The following CFLAR variants were observed in gnomAD, a reference collection of about 807,000 sequenced individuals.
The protein encoded by CFLAR is CASP8 and FADD-like apoptosis regulator.
CFLAR carries 14 observed loss-of-function variants against 51.1 expected under a neutral mutation model. That is an observed-to-expected ratio of 0.27 (90% CI 0.18 to 0.43). The LOEUF (loss-of-function observed/expected upper bound fraction) is 0.43. CFLAR is among the 20% of genes least tolerant of loss of function. The probability of loss-of-function intolerance (pLI) is 1.00; values close to 1 mark genes in which losing one functional copy is unlikely to be tolerated. For missense variants in CFLAR, 390 were observed against 566.5 expected (o/e 0.69, Z 3.16); for synonymous variants, 210 against 211.6 (o/e 0.99, Z 0.06).
At chr2:201,155,087 G>C (rs1479900523) in intron 8 of CFLAR, among the ~76,000 whole-genome samples, 2 of 152,194 alleles carry the variant, frequency 1.3e-5, no homozygotes, top group African/African-American at 4.8e-5. Flanking sequence ...AGCAAAGCTG[G>C]ACCTGTGCTA....
chr2:201,170,252 T>C lies in CFLAR; in HGVS notation c.*6279T>C, dbSNP rs1048070527. ...AAGAAAATGTGGTACATATACACCA[T>C]GGAATACTGTGCAGTGCAGCCATTA... On this transcript the variant is annotated 3_prime_UTR_variant, in exon 10 of 10. Transcript: ENST00000309955. The C allele has an allele frequency of 1.3e-5, 2 of 152,234 alleles. No homozygotes were observed. Among genetic ancestry groups the C allele is most frequent in the Admixed American group, 1.3e-4 (2 of 15,278 alleles). The allele number at this position is 152,234 out of a possible 1,614,324, so 9.4% of individuals were successfully genotyped here.
At chr2:201,163,258 T>A (rs925853995) in intron 9 of CFLAR, 13 of 1,286,420 alleles carry the variant, frequency 1.0e-5, no homozygotes, top group Non-Finnish European at 1.3e-5. Flanking sequence ...GCAAGAATAC[T>A]TTTCTAAGAG....
intron 4 of CFLAR, chr2:201,136,519 C>T: frequency 6.5e-7 from 1 of 1,538,262 alleles, no homozygotes; most frequent in Non-Finnish European, 8.7e-7. Context: ...TGCATGTGTC[C>T]CAAGTTTCAC....
chr2:201,131,946 G>A (rs958646273), intron 2 of CFLAR, among the ~76,000 whole-genome samples: 1 of 148,050 alleles, frequency 6.8e-6, no homozygotes, highest in Non-Finnish European at 1.5e-5. Context: ...AATTTACTAT[G>A]TGAAGTACTT....
At chr2:201,148,779 AG>A in intron 6 of CFLAR, 1 of 458,440 alleles carries the variant, frequency 2.2e-6, no homozygotes, top group East Asian at 3.7e-5. Context: ...CTGTTTAAGC[AG>A]CTTTTCCAGA....
rs1338320448 is a variant in CFLAR, at chr2:201,169,778, CA to C, written c.*5810del. 7.2e-5 allele frequency: 11 copies of C among 152,036 alleles called. No homozygotes were observed. Among genetic ancestry groups the C allele is most frequent in the Non-Finnish European group, 1.3e-4 (9 of 67,994 alleles). 9.4% of individuals were successfully genotyped at this position (152,036 alleles called of 1,614,324 possible). On this transcript the variant is annotated 3_prime_UTR_variant, in exon 10 of 10. Coordinates refer to ENST00000309955, the MANE Select transcript of CFLAR (RefSeq NM_003879.7). ...TTTACAAGGAAAAAAACAACCCCATCAAAAAGTGGACAAAGGACATGAACAG... is the reference window on the plus strand; with the variant it reads ...TTTACAAGGAAAAAAACAACCCCATCAAAAGTGGACAAAGGACATGAACAG...
chr2:201,158,847 C>CTTATTATTA (rs756458551), intron 8 of CFLAR, among the ~76,000 whole-genome samples: 1 of 144,966 alleles, frequency 6.9e-6, no homozygotes, highest in Non-Finnish European at 1.5e-5. Flanking sequence ...GGCATTTGCC[C>CTTATTATTA]TCATCATTAT....
chr2:201,126,072 C>T (rs1021582701), intron 1 of CFLAR, among the ~76,000 whole-genome samples: 1 of 152,034 alleles, frequency 6.6e-6, no homozygotes, highest in Non-Finnish European at 1.5e-5. Context: ...AAACGCCACA[C>T]TTTGAGATGA....
intron 1 of CFLAR, among the ~76,000 whole-genome samples, chr2:201,127,854 C>T (rs1217321958): frequency 1.3e-5 from 2 of 152,090 alleles, no homozygotes; most frequent in African/African-American, 2.4e-5. Context: ...GCTGAGTGTG[C>T]GTGACTGGCA....
At chr2:201,163,377 T>A in intron 9 of CFLAR, 2 of 1,147,598 alleles carry the variant, frequency 1.7e-6, no homozygotes, top group Non-Finnish European at 2.2e-6. Flanking sequence ...TTTAGAATGA[T>A]GTTTCTGAGC....
chr2:201,175,738 AG>A lies in CFLAR; in HGVS notation c.*11766del, dbSNP rs1186298383. On this transcript the variant is annotated 3_prime_UTR_variant, in exon 10 of 10. Transcript: ENST00000309955. Reference sequence around the variant, plus strand: ...CAACCTCAATTCTTTCCTCCTCAGAAGAAAGAATTTGACTGAGGGGCATAAG... The same window carrying A: ...CAACCTCAATTCTTTCCTCCTCAGAAAAAGAATTTGACTGAGGGGCATAAG... 4.6e-5 allele frequency: 7 copies of A among 152,184 alleles called. No homozygotes were observed. Among genetic ancestry groups the A allele is most frequent in the African/African-American group, 1.7e-4 (7 of 41,438 alleles). 9.4% of individuals were successfully genotyped at this position (152,184 alleles called of 1,614,324 possible).
chr2:201,153,903 C>CTTTTTTTTTTTTTT (rs747813572), intron 8 of CFLAR, among the ~76,000 whole-genome samples: 21 of 103,022 alleles, frequency 2.0e-4, no homozygotes, highest in East Asian at 2.6e-4. Flanking sequence ...TCTTTTCTTT[C>CTTTTTTTTTTTTTT]TTTTTTTTTT....
In CFLAR at chr2:201,171,257, A is replaced by G. The variant is rs532786776; in HGVS notation, c.*7284A>G. The G allele has an allele frequency of 3.3e-5, 5 of 152,332 alleles. No homozygotes were observed. Among genetic ancestry groups the G allele is most frequent in the African/African-American group, 9.6e-5 (4 of 41,572 alleles). 9.4% of individuals were successfully genotyped at this position (152,332 alleles called of 1,614,324 possible). A position where few individuals can be genotyped will look rare whatever the true frequency, so the allele number is the denominator to read the frequency against. ...CTCACAAGTAACCACTTAATTACTT[A>G]CGCATGTAACCAGATACCACCTGTT... On this transcript the variant is annotated 3_prime_UTR_variant, in exon 10 of 10. Transcript: ENST00000309955.
chr2:201,145,997 C>T (rs1174674852), intron 6 of CFLAR, among the ~76,000 whole-genome samples: 1 of 151,350 alleles, frequency 6.6e-6, no homozygotes, highest in African/African-American at 2.4e-5. Flanking sequence ...GACGGGGTCT[C>T]ACTCTGTCAC....
intron 6 of CFLAR, among the ~76,000 whole-genome samples, chr2:201,147,047 G>A (rs1347742948): frequency 2.6e-5 from 4 of 152,188 alleles, no homozygotes; most frequent in Non-Finnish European, 5.9e-5. Flanking sequence ...GGGAAAATAG[G>A]AGACCTAGTA....
intron 3 of CFLAR, among the ~76,000 whole-genome samples, chr2:201,135,221 T>C (rs2049940285): frequency 2.0e-5 from 3 of 152,210 alleles, no homozygotes; most frequent in African/African-American, 7.2e-5. Context: ...TTGATTCAAA[T>C]ATTTTGGAAA....
intron 8 of CFLAR, among the ~76,000 whole-genome samples, chr2:201,152,617 C>G (rs750349818): frequency 6.6e-6 from 1 of 152,194 alleles, no homozygotes; most frequent in Non-Finnish European, 1.5e-5. Context: ...GACCAGGGCA[C>G]TGAGGCCTGC....
intron 1 of CFLAR, among the ~76,000 whole-genome samples, chr2:201,125,453 G>A (rs2048585571): frequency 6.6e-6 from 1 of 152,098 alleles, no homozygotes; most frequent in African/African-American, 2.4e-5. Context: ...TTACAAGCTG[G>A]GAGGAGCCGT....
At chr2:201,144,909 A>T (rs1939790196) in intron 5 of CFLAR, among the ~76,000 whole-genome samples, 1 of 151,884 alleles carries the variant, frequency 6.6e-6, no homozygotes, top group Non-Finnish European at 1.5e-5. Flanking sequence ...CTGGAGTGCA[A>T]TGGCACCATC....
Sources: gnomAD v4.1 joint callset for allele counts (sites outside exome capture counted in the v4.1 genomes callset) on GRCh38, gnomAD v4.1.1 for gene constraint, MANE v1.5 for transcripts, NCBI Gene and HGNC (gene_info 2026-07-23, HGNC 2026-07-21) for gene names.